The following PKIB variants were observed in gnomAD, a reference collection of about 807,000 sequenced individuals.
PKIB encodes the protein PKI-beta.
In PKIB, 2 loss-of-function variants were observed where a neutral mutation model predicts 4.5. The observed-to-expected ratio is 0.44, with a 90% CI of 0.18 to 1.39. The LOEUF (loss-of-function observed/expected upper bound fraction) is 1.39, where lower values mean the gene tolerates loss of function less well. Among genes scored for constraint, PKIB ranks in the 40% most tolerant of loss-of-function variants. The pLI is 0.27. For missense variants in PKIB, 94 were observed against 92.6 expected, an observed-to-expected ratio of 1.02 and a Z score of -0.06; for synonymous variants, 38 against 36.0, an observed-to-expected ratio of 1.06 and a Z score of -0.20.
intron 2 of PKIB, among the ~76,000 whole-genome samples, chr6:122,637,327 C>T (rs893410240): frequency 3.3e-5 from 5 of 152,058 alleles, no homozygotes; most frequent in Admixed American, 6.6e-5. Context: ...GACTAACATT[C>T]CAATATATTA....
At chr6:122,498,867 A>G (rs1776147562) in intron 2 of PKIB, among the ~76,000 whole-genome samples, 1 of 152,348 alleles carries the variant, frequency 6.6e-6, no homozygotes, top group East Asian at 1.9e-4. Flanking sequence ...TTAATCAGAA[A>G]TGCCAAAGGC....
rs1779939651 is a variant in PKIB, at chr6:122,726,027, G to T, written c.*832G>T. 6.6e-6 allele frequency: 1 copy of T among 151,970 alleles called. No homozygotes were observed. The highest frequency in any genetic ancestry group is 1.5e-5 in the Non-Finnish European group (1 of 67,974). 9.4% of individuals were successfully genotyped at this position (151,970 alleles called of 1,614,324 possible). A position where few individuals can be genotyped will look rare whatever the true frequency, so the allele number is the denominator to read the frequency against. ...GTTTTTAAATAACTTCCTCAGCAAT[G>T]CAGACCTTAATTTTTATATTTTTTT... On this transcript the variant is annotated 3_prime_UTR_variant, in exon 5 of 5. Transcript: ENST00000368452.
intron 2 of PKIB, among the ~76,000 whole-genome samples, chr6:122,637,077 C>T (rs1264143930): frequency 6.6e-6 from 1 of 152,072 alleles, no homozygotes; most frequent in Non-Finnish European, 1.5e-5. Context: ...AAAAGCAGAA[C>T]AATGACAGAG....
At chr6:122,553,931 T>G (rs1294859399) in intron 2 of PKIB, among the ~76,000 whole-genome samples, 2 of 152,170 alleles carry the variant, frequency 1.3e-5, no homozygotes, top group African/African-American at 4.8e-5. Context: ...TCTTAATAAA[T>G]CATGTGAATG....
At chr6:122,551,874 C>CTTTTTTTTTTT (rs61025863) in intron 2 of PKIB, among the ~76,000 whole-genome samples, 3 of 87,516 alleles carry the variant, frequency 3.4e-5, no homozygotes, top group African/African-American at 1.3e-4. Flanking sequence ...CTTAGTACAT[C>CTTTTTTTTTTT]TTTTTTTTTT....
intron 2 of PKIB, among the ~76,000 whole-genome samples, chr6:122,551,874 CTTTTTTTTTTT>C (rs61025863): frequency 8.0e-5 from 7 of 87,520 alleles, no homozygotes; most frequent in Admixed American, 4.2e-4. Flanking sequence ...CTTAGTACAT[CTTTTTTTTTTT>C]TTTTTTTTTT....
At chr6:122,521,364 A>G (rs899694541) in intron 2 of PKIB, among the ~76,000 whole-genome samples, 5 of 152,004 alleles carry the variant, frequency 3.3e-5, no homozygotes, top group African/African-American at 1.2e-4. Flanking sequence ...GAAATGGTTC[A>G]CTGTTGTTGT....
Position 122,717,949 on chromosome 6 carries a change from T to A in PKIB, c.155T>A (p.Leu52His). The change falls in exon 4 of 5, where the codon CTC (leucine) becomes CAC (histidine). Residue 52 changes from leucine (L) to histidine (H), a missense_variant. Physicochemically the swap from Leu to His is moderately conservative, Grantham distance 99. Transcript: ENST00000368452. Reference sequence around the variant, plus strand: ...GATTTGCCCCTCAAACTGGAGGCTCTCTCCGTGAAGGAAGGTAATACTCAA... The same window carrying A: ...GATTTGCCCCTCAAACTGGAGGCTCACTCCGTGAAGGAAGGTAATACTCAA... ...TSDLPLKLEA[L>H]SVKEDAKEKD... The A allele has an allele frequency of 3.1e-6, 5 of 1,613,364 alleles. No homozygotes were observed. Among genetic ancestry groups the A allele is most frequent in the Non-Finnish European group, 4.2e-6 (5 of 1,179,420 alleles).
chr6:122,490,942 G>GT (rs1306262872), intron 2 of PKIB, among the ~76,000 whole-genome samples: 1 of 152,138 alleles, frequency 6.6e-6, no homozygotes, highest in African/African-American at 2.4e-5. Context: ...CAGTGATTAT[G>GT]TTAGTGGCAG....
chr6:122,501,509 AACC>A (rs1385064436), intron 2 of PKIB, among the ~76,000 whole-genome samples: 4 of 152,204 alleles, frequency 2.6e-5, no homozygotes, highest in Non-Finnish European at 5.9e-5. Context: ...ACCACATGGA[AACC>A]ACCAAGGCTT....
intron 1 of PKIB, among the ~76,000 whole-genome samples, chr6:122,619,241 A>T (rs1162986594): frequency 6.6e-6 from 1 of 152,140 alleles, no homozygotes. Context: ...TTATCAATCT[A>T]TTCTCACGTA....
intron 1 of PKIB, among the ~76,000 whole-genome samples, chr6:122,632,831 G>C (rs1003808210): frequency 4.6e-5 from 7 of 152,042 alleles, no homozygotes; most frequent in Non-Finnish European, 1.0e-4. Context: ...TTTGAGAAAG[G>C]CTATCATTCA....
At chr6:122,526,537 G>A (rs559240862) in intron 2 of PKIB, among the ~76,000 whole-genome samples, 11 of 152,166 alleles carry the variant, frequency 7.2e-5, no homozygotes, top group African/African-American at 2.6e-4. Flanking sequence ...CCCCATAAAA[G>A]CTCTTAGATG....
intron 2 of PKIB, among the ~76,000 whole-genome samples, chr6:122,492,458 T>C (rs1185744972): frequency 6.6e-6 from 1 of 152,190 alleles, no homozygotes; most frequent in African/African-American, 2.4e-5. Context: ...GGACCAGCGA[T>C]AGCCTCAGTA....
At chr6:122,604,299 A>T (rs1201139549) in intron 3 of PKIB, among the ~76,000 whole-genome samples, 1 of 152,236 alleles carries the variant, frequency 6.6e-6, no homozygotes, top group Non-Finnish European at 1.5e-5. Context: ...CCCCAAACAC[A>T]TGGAGGAAAG....
In PKIB at chr6:122,487,830, G is replaced by A. The variant is rs576113257; in HGVS notation, c.-248+9891G>A. 1.8e-4 allele frequency among the ~76,000 whole-genome samples: 28 copies of A among 152,252 alleles called. No individual in the cohort carries two copies. The South Asian group carries it at 5.6e-3, about 30-fold the overall frequency. ...CCTGAATGAACTAAGTCACAGCTTA[G>A]GCATTCAGGACAGGGATATGAGAGA... On this transcript the variant is annotated intron_variant, in intron 2 of 6. Transcript: ENST00000392491.
intron 1 of PKIB, among the ~76,000 whole-genome samples, chr6:122,619,845 T>C (rs1416805443): frequency 6.6e-6 from 1 of 152,156 alleles, no homozygotes; most frequent in Non-Finnish European, 1.5e-5. Flanking sequence ...ACCCAATGTC[T>C]CCTTTGTATT....
In PKIB at chr6:122,526,591, C is replaced by A. The variant is rs567310270; in HGVS notation, c.-248+48652C>A. Among the ~76,000 whole-genome samples the A allele has an allele frequency of 5.9e-5, 9 of 152,044 alleles. No homozygotes were observed. The East Asian group carries it at 1.7e-3, about 29-fold the overall frequency. On this transcript the variant is annotated intron_variant, in intron 2 of 6. Transcript: ENST00000392491. ...GAACAGTAATATTTTAAAACAAAAT[C>A]TTTTTCTTTGATCAGTGGGTCTCAA... is the stretch of plus-strand genomic sequence containing the variant.
chr6:122,533,956 T>C (rs1777331958), intron 2 of PKIB, among the ~76,000 whole-genome samples: 1 of 151,924 alleles, frequency 6.6e-6, no homozygotes, highest in Admixed American at 6.6e-5. Context: ...CTGTCTTTCT[T>C]TTATGCTTAT....
Sources: allele counts gnomAD v4.1 joint callset (sites outside exome capture counted in the v4.1 genomes callset), GRCh38; gene constraint gnomAD v4.1.1; transcripts MANE v1.5; gene names NCBI Gene and HGNC (gene_info 2026-07-23, HGNC 2026-07-21).